CEP55: variants seen among roughly 807,000 people sequenced by gnomAD.
CEP55 encodes centrosomal protein of 55 kDa.
CEP55 carries 57 observed loss-of-function variants against 63.2 expected under a neutral mutation model. That is an observed-to-expected ratio of 0.90 (90% CI 0.73 to 1.13). The LOEUF (loss-of-function observed/expected upper bound fraction) is 1.13, where lower values mean the gene tolerates loss of function less well. CEP55 is among the 50% of genes most tolerant of loss of function. The probability of loss-of-function intolerance (pLI) is 0.00; values close to 1 mark genes in which losing one functional copy is unlikely to be tolerated. For missense variants in CEP55, 456 were observed against 518.9 expected (o/e 0.88, Z 1.18); for synonymous variants, 178 against 191.6 (o/e 0.93, Z 0.59).
chr10:93,519,570 G>A (rs944308087), intron 7 of CEP55, 112 bp from the exon 8 acceptor site: 55 of 1,216,686 alleles, frequency 4.5e-5, no homozygotes, highest in African/African-American at 4.0e-4. Flanking sequence ...TTCTTGCTAC[G>A]ATGGTACAAT....
chr10:93,523,068 G>A (rs1310928419), intron 8 of CEP55, among the ~76,000 whole-genome samples: 1 of 152,078 alleles, frequency 6.6e-6, no homozygotes, highest in East Asian at 1.9e-4. Context: ...ATAATGACAG[G>A]GTCAAATTCA....
intron 3 of CEP55, among the ~76,000 whole-genome samples, chr10:93,506,189 G>A (rs923738758): frequency 2.0e-5 from 3 of 152,098 alleles, no homozygotes; most frequent in African/African-American, 4.8e-5. Flanking sequence ...GATCCTACCC[G>A]CCTTGCCCTC....
intron 8 of CEP55, among the ~76,000 whole-genome samples, chr10:93,525,828 A>C (rs1207993442): frequency 6.6e-6 from 1 of 152,038 alleles, no homozygotes; most frequent in Non-Finnish European, 1.5e-5. Context: ...CAACAACAAG[A>C]AATGGGGAAA....
chr10:93,504,575 T>C (rs779960389), intron 3 of CEP55, among the ~76,000 whole-genome samples: 1 of 152,164 alleles, frequency 6.6e-6, no homozygotes, highest in Non-Finnish European at 1.5e-5. Context: ...TTAGGGGAGA[T>C]AGTGATCAGA....
At chr10:93,525,746 C>T (rs1044750747) in intron 8 of CEP55, among the ~76,000 whole-genome samples, 4 of 151,776 alleles carry the variant, frequency 2.6e-5, no homozygotes, top group Admixed American at 1.3e-4. Context: ...GAGATATAGA[C>T]CAATGGAACA....
chr10:93,505,177 T>A (rs546565935), intron 3 of CEP55, among the ~76,000 whole-genome samples: 1 of 152,360 alleles, frequency 6.6e-6, no homozygotes, highest in Admixed American at 6.5e-5. Context: ...TTGATTTCTT[T>A]ATTAACTAGT....
At chr10:93,510,271 A>T (rs1035493142) in intron 4 of CEP55, among the ~76,000 whole-genome samples, 2 of 152,236 alleles carry the variant, frequency 1.3e-5, no homozygotes, top group Admixed American at 1.3e-4. Context: ...TCTTGCTCTT[A>T]AATTCAAATA....
intron 7 of CEP55, among the ~76,000 whole-genome samples, chr10:93,519,375 C>G (rs1161450440): frequency 6.6e-6 from 1 of 152,180 alleles, no homozygotes. Flanking sequence ...CAGGGAATAG[C>G]TATCTCTTTC....
chr10:93,525,067 A>G (rs1265097187), intron 8 of CEP55, among the ~76,000 whole-genome samples: 4 of 151,472 alleles, frequency 2.6e-5, no homozygotes, highest in South Asian at 4.2e-4. Context: ...CCTATTCAAC[A>G]TAGTGTTGGA....
At chr10:93,509,476 T>G (rs1001206219) in intron 4 of CEP55, among the ~76,000 whole-genome samples, 6 of 149,192 alleles carry the variant, frequency 4.0e-5, no homozygotes, top group African/African-American at 1.2e-4. Context: ...AACATTATTA[T>G]TATTATTATT....
intron 7 of CEP55, 151 bp from the exon 8 acceptor site, chr10:93,519,531 T>A (rs2057836105): frequency 1.1e-6 from 1 of 930,478 alleles, no homozygotes; most frequent in Admixed American, 2.8e-5. Context: ...GCTGCCTCGT[T>A]TATTAACATT....
intron 7 of CEP55, 78 bp from the exon 8 acceptor site, chr10:93,519,603 TA>T (rs1157919614): frequency 3.3e-5 from 48 of 1,473,550 alleles, no homozygotes; most frequent in Non-Finnish European, 4.3e-5. Context: ...CATGTGCTAA[TA>T]AAAAAATGTG....
intron 3 of CEP55, among the ~76,000 whole-genome samples, chr10:93,503,841 C>G (rs2057659555): frequency 6.6e-6 from 1 of 152,176 alleles, no homozygotes; most frequent in Non-Finnish European, 1.5e-5. Flanking sequence ...AACAAGGATA[C>G]AGAAATAGAC....
At chr10:93,525,213 C>T (rs1225340165) in intron 8 of CEP55, among the ~76,000 whole-genome samples, 1 of 152,048 alleles carries the variant, frequency 6.6e-6, no homozygotes, top group African/African-American at 2.4e-5. Flanking sequence ...CCCAAAATCT[C>T]CTTAAGCTGA....
intron 4 of CEP55, among the ~76,000 whole-genome samples, chr10:93,512,741 C>T (rs1442134899): frequency 2.0e-5 from 3 of 152,074 alleles, no homozygotes; most frequent in Admixed American, 1.3e-4. Context: ...CTGGGTTTCT[C>T]ATGAGTCCTT....
intron 8 of CEP55, among the ~76,000 whole-genome samples, chr10:93,524,730 G>A (rs2057901849): frequency 2.0e-5 from 3 of 152,132 alleles, no homozygotes; most frequent in Non-Finnish European, 2.9e-5. Context: ...ACATCAAAAA[G>A]CTTATCCATC....
rs2057916348 is a variant in CEP55, at chr10:93,525,840, G to A, written c.1192-2110G>A. Among the ~76,000 whole-genome samples, 3 of 151,984 alleles carry A rather than the reference G, an allele frequency of 2.0e-5. No homozygotes were observed. In the South Asian group the frequency reaches 6.2e-4, roughly 32 times the overall value. On this transcript the variant is annotated intron_variant, in intron 8 of 8. Transcript: ENST00000371485. ...TGACAACAACAAGAAATGGGGAAAG[G>A]ATTCCCTATTTAATAAATGGTGCTG... is the stretch of plus-strand genomic sequence containing the variant.
intron 8 of CEP55, among the ~76,000 whole-genome samples, chr10:93,521,445 G>A (rs572646015): frequency 8.1e-4 from 123 of 152,264 alleles, no homozygotes; most frequent in Admixed American, 7.3e-3. Context: ...CAAAGCGGCC[G>A]GGAAGCTCGA....
At chr10:93,516,832 A>G in intron 5 of CEP55, 103 bp from the exon 6 acceptor site, 1 of 834,172 alleles carries the variant, frequency 1.2e-6, no homozygotes, top group Non-Finnish European at 1.8e-6. Context: ...TCATGTTGTA[A>G]ACTAAGGAAA....
Sources: gnomAD v4.1 joint callset for allele counts (sites outside exome capture counted in the v4.1 genomes callset) on GRCh38, gnomAD v4.1.1 for gene constraint, MANE v1.5 for transcripts, NCBI Gene and HGNC (gene_info 2026-07-23, HGNC 2026-07-21) for gene names.